RGS22: variants seen among roughly 807,000 people sequenced by gnomAD.
The protein encoded by RGS22 is regulator of G protein signaling 22.
In RGS22, 148 loss-of-function variants were observed where a neutral mutation model predicts 172.9. The observed-to-expected ratio is 0.86, with a 90% CI of 0.75 to 0.98. The LOEUF (loss-of-function observed/expected upper bound fraction) is 0.98, where lower values mean the gene tolerates loss of function less well. Among genes scored for constraint, RGS22 ranks in the 50% least tolerant of loss-of-function variants. RGS22 has a pLI of 0.00. For missense variants in RGS22, 1,347 were observed against 1,440.8 expected (o/e 0.93, Z 1.05); for synonymous variants, 458 against 480.2 (o/e 0.95, Z 0.60).
intron 3 of RGS22, among the ~76,000 whole-genome samples, chr8:100,091,037 G>T (rs1036407336): frequency 7.2e-5 from 11 of 152,022 alleles, no homozygotes; most frequent in Admixed American, 1.3e-4. Flanking sequence ...AGAAAGATTA[G>T]TTTGGCATAC....
At chr8:100,003,831 T>G in intron 17 of RGS22, 95 bp downstream of exon 17, 2 of 1,069,952 alleles carry the variant, frequency 1.9e-6, no homozygotes, top group Non-Finnish European at 2.6e-6. Flanking sequence ...GAGTAAAATC[T>G]GTTATAGCAC....
intron 2 of RGS22, among the ~76,000 whole-genome samples, chr8:100,097,148 C>T (rs28536200): frequency 0.052 from 7,842 of 152,152 alleles, 663 homozygotes; most frequent in African/African-American, 0.18. Flanking sequence ...TAGCAGGTGT[C>T]TCTGGGGAAT....
intron 10 of RGS22, among the ~76,000 whole-genome samples, chr8:100,051,605 A>T (rs1315692634): frequency 2.0e-5 from 1 of 48,856 alleles, no homozygotes; most frequent in African/African-American, 9.5e-5. Flanking sequence ...ATATATATTT[A>T]TATATGTTTA....
At chr8:100,086,601 G>A (rs1217730315) in intron 3 of RGS22, among the ~76,000 whole-genome samples, 1 of 151,868 alleles carries the variant, frequency 6.6e-6, no homozygotes, top group Admixed American at 6.6e-5. Context: ...AAACTACTGG[G>A]TACTATGCTC....
chr8:100,081,092 A>T (rs2131905198), intron 3 of RGS22, among the ~76,000 whole-genome samples: 1 of 152,238 alleles, frequency 6.6e-6, no homozygotes, highest in Middle Eastern at 3.4e-3. Context: ...TTGTCTTCCA[A>T]ATCTAGAATC....
At chr8:100,050,419 A>G (rs1821157145) in intron 10 of RGS22, among the ~76,000 whole-genome samples, 1 of 152,190 alleles carries the variant, frequency 6.6e-6, no homozygotes, top group South Asian at 2.1e-4. Context: ...AGGTGATTCT[A>G]ATGTTTCCAG....
chr8:100,010,824 T>TG (rs1203154378), intron 14 of RGS22, among the ~76,000 whole-genome samples: 2 of 150,934 alleles, frequency 1.3e-5, no homozygotes, highest in Non-Finnish European at 3.0e-5. Context: ...TTTTTTTTTT[T>TG]AAAGAGATGG....
At chr8:99,975,470 T>G (rs1366964572) in intron 23 of RGS22, among the ~76,000 whole-genome samples, 1 of 152,084 alleles carries the variant, frequency 6.6e-6, no homozygotes, top group African/African-American at 2.4e-5. Context: ...CTATATTCTG[T>G]AAAGGACAAG....
At chr8:100,026,177 T>C (rs906743914) in intron 14 of RGS22, among the ~76,000 whole-genome samples, 4 of 152,144 alleles carry the variant, frequency 2.6e-5, no homozygotes, top group Non-Finnish European at 4.4e-5. Context: ...GACAAATACA[T>C]AGACATACTC....
Position 100,041,834 on chromosome 8 carries a change from C to G in RGS22, c.1906G>C (p.Asp636His), listed in dbSNP as rs762358584. The change falls in exon 12 of 28, where the codon GAT (aspartate) becomes CAT (histidine). Residue 636 changes from aspartate to histidine, a missense_variant. Physicochemically the swap from Asp to His is moderately conservative, Grantham distance 81. Transcript: ENST00000360863. The part of the protein sequence containing the change: ...DISECLKPQL[D>H]RRYAYTEEPR... ...TCTTCTGTATAAGCGTATCTTCTATCCAGCTGGGGCTTGAGACATTCAGAA... is the reference window on the plus strand; with the variant it reads ...TCTTCTGTATAAGCGTATCTTCTATGCAGCTGGGGCTTGAGACATTCAGAA... The G allele has an allele frequency of 1.2e-6, 2 of 1,612,580 alleles. No homozygotes were observed. Among genetic ancestry groups the G allele is most frequent in the South Asian group, 1.1e-5 (1 of 91,036 alleles).
chr8:100,068,942 A>G (rs866703806), intron 6 of RGS22, among the ~76,000 whole-genome samples: 1 of 100,290 alleles, frequency 1.0e-5, no homozygotes, highest in Non-Finnish European at 1.9e-5. Context: ...CTCAAAAAAA[A>G]AAAAAAAGAA....
At chr8:99,977,157 G>GT (rs142542103) in intron 23 of RGS22, among the ~76,000 whole-genome samples, 4,094 of 151,828 alleles carry the variant, frequency 0.027, 161 homozygotes, top group African/African-American at 0.092. Context: ...AGGCCAGAGT[G>GT]TAGTGGCATA....
At chr8:99,967,365 A>G (rs1333029916) in intron 23 of RGS22, among the ~76,000 whole-genome samples, 1 of 151,248 alleles carries the variant, frequency 6.6e-6, no homozygotes, top group Non-Finnish European at 1.5e-5. Flanking sequence ...TGGAGCCTGG[A>G]ACCCCAGCGA....
intron 20 of RGS22, 22 bp from the exon 21 acceptor site, chr8:99,987,641 G>C (rs187394532): frequency 6.7e-7 from 1 of 1,487,752 alleles, no homozygotes; most frequent in East Asian, 2.4e-5. Flanking sequence ...AGAGAATATA[G>C]GAAATTAGCT....
At chr8:100,051,594 A>T (rs1329395876) in intron 10 of RGS22, among the ~76,000 whole-genome samples, 4 of 28,834 alleles carry the variant, frequency 1.4e-4, no homozygotes, top group Non-Finnish European at 1.7e-4. Context: ...TACATATATA[A>T]ATATATATTT....
intron 21 of RGS22, among the ~76,000 whole-genome samples, chr8:99,986,020 A>T (rs1010610884): frequency 2.7e-5 from 4 of 149,492 alleles, no homozygotes; most frequent in East Asian, 1.9e-4. Flanking sequence ...CTTCTCTCAA[A>T]TTTTTTTTTT....
intron 3 of RGS22, among the ~76,000 whole-genome samples, chr8:100,086,422 G>A (rs1242318561): frequency 1.3e-5 from 2 of 152,076 alleles, no homozygotes; most frequent in Non-Finnish European, 2.9e-5. Context: ...GATCCTGTTA[G>A]AAATGCAAAT....
intron 20 of RGS22, among the ~76,000 whole-genome samples, chr8:99,990,291 A>G (rs2131264642): frequency 6.6e-6 from 1 of 152,296 alleles, no homozygotes; most frequent in South Asian, 2.1e-4. Flanking sequence ...ATTTTTTAAA[A>G]AAGAACAGAG....
intron 23 of RGS22, among the ~76,000 whole-genome samples, chr8:99,966,949 G>A (rs899161142): frequency 6.6e-6 from 1 of 152,164 alleles, no homozygotes; most frequent in Non-Finnish European, 1.5e-5. Context: ...GGCTGAATAG[G>A]AACAGCTCCC....
Sources: allele counts gnomAD v4.1 joint callset (sites outside exome capture counted in the v4.1 genomes callset), GRCh38; gene constraint gnomAD v4.1.1; transcripts MANE v1.5; gene names NCBI Gene and HGNC (gene_info 2026-07-23, HGNC 2026-07-21).